The following ANK2 variants were observed in gnomAD, a reference collection of about 807,000 sequenced individuals.
ANK2 encodes ankyrin 2.
A neutral mutation model predicts 360.5 loss-of-function variants in ANK2; 83 were observed. The ratio of observed to expected loss-of-function variants is 0.23; its 90% CI spans 0.19 to 0.28. ANK2 has a LOEUF of 0.28. Ranked by LOEUF, ANK2 falls within the 10% of genes least tolerant of loss-of-function variation. The pLI, the probability that ANK2 is intolerant of heterozygous loss-of-function variation, is 1.00. For missense variants in ANK2, 4,201 were observed against 4,795.7 expected (o/e 0.88, Z 3.66); for synonymous variants, 1,740 against 1,759.5 (o/e 0.99, Z 0.28).
At chr4:113,279,850 C>T (rs182828999) in intron 17 of ANK2, among the ~76,000 whole-genome samples, 95 of 152,064 alleles carry the variant, frequency 6.2e-4, no homozygotes, top group African/African-American at 2.1e-3. Flanking sequence ...ATTATCCACA[C>T]TGTTCTTACT....
chr4:113,277,088 C>T (rs556016278), intron 15 of ANK2, among the ~76,000 whole-genome samples: 6 of 152,192 alleles, frequency 3.9e-5, no homozygotes, highest in East Asian at 1.9e-4. Context: ...TGGTTAGGCA[C>T]GGAAGACACT....
intron 1 of ANK2, among the ~76,000 whole-genome samples, chr4:113,096,304 T>C (rs1485534813): frequency 1.3e-5 from 2 of 152,194 alleles, no homozygotes; most frequent in African/African-American, 4.8e-5. Flanking sequence ...CTGGAACCAA[T>C]GAAACCCCAA....
Position 113,281,817 on chromosome 4 carries a change from A to G in ANK2, c.1882-858A>G, listed in dbSNP as rs369083725. On this transcript the variant is annotated intron_variant, in intron 17 of 45. Transcript: ENST00000357077. Reference sequence around the variant, plus strand: ...AGTATGAGTTTTCCTGTCCCTCTCCACAAACTCCCGCCCGAAATAAGTAGC... The same window carrying G: ...AGTATGAGTTTTCCTGTCCCTCTCCGCAAACTCCCGCCCGAAATAAGTAGC... Among the ~76,000 whole-genome samples, 55 of 152,232 alleles carry G rather than the reference A, an allele frequency of 3.6e-4. 5 individuals are homozygous for G. The South Asian group carries it at 0.011, about 32-fold the overall frequency.
the ANK2 span, among the ~76,000 whole-genome samples, chr4:112,743,551 A>T: frequency 0.018 from 1,431 of 78,348 alleles, no homozygotes; most frequent in African/African-American, 0.025. Context: ...TCTCTTTTCT[A>T]TCCTTTTTTT....
At chr4:113,233,291 C>A (rs904222250) in intron 5 of ANK2, among the ~76,000 whole-genome samples, 1 of 149,734 alleles carries the variant, frequency 6.7e-6, no homozygotes, top group Non-Finnish European at 1.5e-5. Flanking sequence ...CCCGCCACTA[C>A]GCCCGGCTAA....
chr4:113,046,045 C>G (rs2064268579), upstream of ANK2, among the ~76,000 whole-genome samples: 1 of 152,084 alleles, frequency 6.6e-6, no homozygotes, highest in Middle Eastern at 3.2e-3. Context: ...TAGGGACATG[C>G]CCACTGGAAA....
upstream of ANK2, among the ~76,000 whole-genome samples, chr4:112,813,129 T>G (rs1171557528): frequency 6.6e-6 from 1 of 151,614 alleles, no homozygotes; most frequent in African/African-American, 2.4e-5. Context: ...TCCCAGCTAC[T>G]TGGGAGGCTA....
intron 1 of ANK2, among the ~76,000 whole-genome samples, chr4:113,116,771 G>A (rs1245509181): frequency 6.6e-6 from 1 of 152,194 alleles, no homozygotes; most frequent in East Asian, 1.9e-4. Context: ...CTGCATAGAG[G>A]TGTGGTTGGA....
chr4:113,135,858 A>G (rs2096376131), intron 1 of ANK2, among the ~76,000 whole-genome samples: 1 of 152,198 alleles, frequency 6.6e-6, no homozygotes, highest in African/African-American at 2.4e-5. Flanking sequence ...AACTGACAGA[A>G]TAGTAATGTG....
In ANK2 at chr4:113,097,616, T is replaced by G. The variant is rs779966411; in HGVS notation, c.84+47804T>G. Among the ~76,000 whole-genome samples the G allele has an allele frequency of 1.1e-4, 17 of 152,140 alleles. 1 individual carries two copies. The highest frequency in any genetic ancestry group is 3.9e-4 in the Admixed American group (6 of 15,272). ...CAGGAAGCACTGTATAAATGAAAAC[T>G]TTCCAATTTTTGCCCAAGGGCTGAC... On this transcript the variant is annotated intron_variant, in intron 1 of 45. Transcript: ENST00000357077.
the ANK2 span, among the ~76,000 whole-genome samples, chr4:112,796,063 G>A: frequency 6.6e-6 from 1 of 152,092 alleles, no homozygotes; most frequent in African/African-American, 2.4e-5. Context: ...GCCTCCCAAA[G>A]TTCTGGAATT....
the ANK2 span, among the ~76,000 whole-genome samples, chr4:112,747,166 G>C: frequency 6.6e-6 from 1 of 152,184 alleles, no homozygotes; most frequent in Non-Finnish European, 1.5e-5. Flanking sequence ...ACATTCTTTA[G>C]CCAAAACTCT....
chr4:113,178,260 T>C (rs2098290275), intron 2 of ANK2, among the ~76,000 whole-genome samples: 1 of 151,648 alleles, frequency 6.6e-6, no homozygotes, highest in Non-Finnish European at 1.5e-5. Context: ...AGACCCTGTC[T>C]CTTAAAAAAA....
the ANK2 span, among the ~76,000 whole-genome samples, chr4:112,783,858 C>T: frequency 1.3e-5 from 2 of 151,934 alleles, no homozygotes; most frequent in Non-Finnish European, 2.9e-5. Context: ...ACCATGTTAG[C>T]CAGGATGGTC....
intron 1 of ANK2, among the ~76,000 whole-genome samples, chr4:113,134,593 G>C (rs1562307756): frequency 1.3e-5 from 2 of 151,938 alleles, no homozygotes; most frequent in African/African-American, 4.8e-5. Flanking sequence ...TATCAGAGAT[G>C]TTTTTTTAAC....
chr4:113,161,637 A>G lies in ANK2; in HGVS notation c.85-12779A>G, dbSNP rs1268256665. Among the ~76,000 whole-genome samples the G allele has an allele frequency of 5.3e-5, 8 of 151,832 alleles. 1 individual carries two copies. The highest frequency in any genetic ancestry group is 1.2e-4 in the Non-Finnish European group (8 of 67,984). The stretch of plus-strand genomic sequence containing the variant: ...GGAAAAATAAGAAAATGTCAGCTGC[A>G]TGATATTAGTATTCTGAGCTCATGA... On this transcript the variant is annotated intron_variant, in intron 1 of 45. Transcript: ENST00000357077.
chr4:113,104,394 A>G (rs923660581), intron 1 of ANK2, among the ~76,000 whole-genome samples: 1 of 152,210 alleles, frequency 6.6e-6, no homozygotes, highest in African/African-American at 2.4e-5. Context: ...GTTTTGAAGA[A>G]GAGAAGAGAA....
the ANK2 span, among the ~76,000 whole-genome samples, chr4:112,757,117 T>C: frequency 1.7e-4 from 25 of 150,356 alleles, no homozygotes; most frequent in East Asian, 3.9e-4. Context: ...CTTTTCTTTT[T>C]TTTTTTTTTT....
chr4:112,906,599 C>T (rs2085313385), intron 2 of ANK2, among the ~76,000 whole-genome samples: 1 of 152,104 alleles, frequency 6.6e-6, no homozygotes, highest in Non-Finnish European at 1.5e-5. Context: ...GGAAGGACAA[C>T]ATGCACATCA....
Sources: gnomAD v4.1 joint callset for allele counts (sites outside exome capture counted in the v4.1 genomes callset) on GRCh38, gnomAD v4.1.1 for gene constraint, MANE v1.5 for transcripts, NCBI Gene and HGNC (gene_info 2026-07-23, HGNC 2026-07-21) for gene names.